Variants in CSNK1G1 observed in about 807,000 individuals in gnomAD.
The protein encoded by CSNK1G1 is casein kinase I isoform gamma-1.
Under a neutral mutation model 59.6 loss-of-function variants are expected in CSNK1G1, and 22 were observed. The ratio of observed to expected loss-of-function variants is 0.37; its 90% CI spans 0.26 to 0.53. CSNK1G1 has a LOEUF of 0.53. CSNK1G1 is among the 20% of genes least tolerant of loss of function. The pLI, the probability that CSNK1G1 is intolerant of heterozygous loss-of-function variation, is 0.89. For missense variants in CSNK1G1, 384 were observed against 519.5 expected (o/e 0.74, Z 2.54); for synonymous variants, 179 against 177.1 (o/e 1.01, Z -0.08).
At chr15:64,310,075 T>C (rs1434613586) in intron 1 of CSNK1G1, among the ~76,000 whole-genome samples, 1 of 151,630 alleles carries the variant, frequency 6.6e-6, no homozygotes, top group African/African-American at 2.4e-5. Flanking sequence ...ATCACACCAC[T>C]ACCCTCCAGC....
chr15:64,292,464 A>T (rs951819016), intron 2 of CSNK1G1, among the ~76,000 whole-genome samples: 1 of 152,360 alleles, frequency 6.6e-6, no homozygotes, highest in South Asian at 2.1e-4. Context: ...GGAAAAGATC[A>T]AAAAGGTTAA....
At chr15:64,251,314 C>T (rs575567854) in intron 4 of CSNK1G1, 198 bp downstream of exon 4, 4 of 499,988 alleles carry the variant, frequency 8.0e-6, no homozygotes, top group Middle Eastern at 1.0e-3. Context: ...GTCATAGCAA[C>T]ACAGTTCCCC....
At chr15:64,294,499 A>T (rs1042111249) in intron 2 of CSNK1G1, among the ~76,000 whole-genome samples, 3 of 151,964 alleles carry the variant, frequency 2.0e-5, no homozygotes, top group African/African-American at 4.8e-5. Flanking sequence ...AAGTAGAATT[A>T]AAAAAAAATT....
chr15:64,265,018 T>C (rs1297309761), intron 2 of CSNK1G1, among the ~76,000 whole-genome samples: 1 of 151,874 alleles, frequency 6.6e-6, no homozygotes, highest in Non-Finnish European at 1.5e-5. Flanking sequence ...CAAAGCCCTA[T>C]CCAGACCAAT....
intron 10 of CSNK1G1, among the ~76,000 whole-genome samples, chr15:64,190,356 G>A (rs550539167): frequency 6.6e-6 from 1 of 152,320 alleles, no homozygotes; most frequent in African/African-American, 2.4e-5. Flanking sequence ...TCTGCCAAAA[G>A]AGGTTCAAAT....
intron 4 of CSNK1G1, among the ~76,000 whole-genome samples, chr15:64,229,939 T>TTTTTTTTTA (rs768405168): frequency 1.1e-4 from 13 of 121,504 alleles, no homozygotes; most frequent in Non-Finnish European, 2.2e-4. Flanking sequence ...TTTTTTTTTT[T>TTTTTTTTTA]AAGACAGAAT....
intron 1 of CSNK1G1, among the ~76,000 whole-genome samples, chr15:64,301,663 A>ATCACCTT: frequency 6.6e-6 from 1 of 152,264 alleles, no homozygotes; most frequent in Non-Finnish European, 1.5e-5. Context: ...CAAGGCAGGC[A>ATCACCTT]GATCACCTGA....
chr15:64,264,192 C>T (rs1332388882), intron 2 of CSNK1G1, among the ~76,000 whole-genome samples: 2 of 151,832 alleles, frequency 1.3e-5, no homozygotes, highest in Non-Finnish European at 2.9e-5. Context: ...TTGCTGTGAA[C>T]GAAGGGGAAA....
intron 2 of CSNK1G1, among the ~76,000 whole-genome samples, chr15:64,288,132 A>T (rs1894527942): frequency 6.6e-6 from 1 of 152,116 alleles, no homozygotes; most frequent in Non-Finnish European, 1.5e-5. Flanking sequence ...ATAACTAAGA[A>T]TTTTTTTTAA....
chr15:64,316,393 G>A (rs985925070), intron 1 of CSNK1G1, among the ~76,000 whole-genome samples: 10 of 151,804 alleles, frequency 6.6e-5, no homozygotes, highest in South Asian at 2.1e-4. Flanking sequence ...AAAATTAGCC[G>A]GGCATGGTGG....
Position 64,258,925 on chromosome 15 carries a change from CAG to C in CSNK1G1, c.222+274_222+275del, listed in dbSNP as rs565826792. Among the ~76,000 whole-genome samples the C allele has an allele frequency of 1.3e-3, 192 of 152,126 alleles. 1 individual carries two copies. Among genetic ancestry groups the C allele is most frequent in the African/African-American group, 4.0e-3 (166 of 41,508 alleles). ...ATACCTCTGTGAAAGATTAAGTTCA[CAG>C]AGTTACTAGTTCTTCCAGCTTTTTT... On this transcript the variant is annotated intron_variant, in intron 3 of 11. Coordinates refer to ENST00000303052, the MANE Select transcript of CSNK1G1 (RefSeq NM_022048.5).
chr15:64,193,383 C>A (rs2081997109), intron 10 of CSNK1G1, among the ~76,000 whole-genome samples: 1 of 151,454 alleles, frequency 6.6e-6, no homozygotes, highest in African/African-American at 2.4e-5. Context: ...GTCCCAGCTA[C>A]TCGGGAGGCT....
chr15:64,290,994 G>A (rs1193999781), intron 2 of CSNK1G1, among the ~76,000 whole-genome samples: 4 of 152,244 alleles, frequency 2.6e-5, no homozygotes, highest in African/African-American at 7.2e-5. Context: ...GATTACAGGC[G>A]TGAGCCACCA....
At chr15:64,318,560 T>C (rs1270094346) in intron 1 of CSNK1G1, among the ~76,000 whole-genome samples, 1 of 152,012 alleles carries the variant, frequency 6.6e-6, no homozygotes, top group African/African-American at 2.4e-5. Context: ...TTCTTTCTTT[T>C]TTTAAAGACA....
intron 1 of CSNK1G1, among the ~76,000 whole-genome samples, chr15:64,322,627 C>A (rs1896623002): frequency 6.6e-6 from 1 of 151,992 alleles, no homozygotes; most frequent in Non-Finnish European, 1.5e-5. Context: ...CCAGCCTGGG[C>A]AACATGGTGA....
At chr15:64,319,844 C>G (rs1047325808) in intron 1 of CSNK1G1, among the ~76,000 whole-genome samples, 2 of 151,484 alleles carry the variant, frequency 1.3e-5, no homozygotes, top group Admixed American at 6.6e-5. Context: ...AAATGTAACA[C>G]CTTTATTTTG....
chr15:64,332,067 CT>C (rs1297744969), intron 1 of CSNK1G1, among the ~76,000 whole-genome samples: 1 of 147,722 alleles, frequency 6.8e-6, no homozygotes, highest in African/African-American at 2.5e-5. Context: ...CACTTTTACA[CT>C]GTTGGTGGGA....
chr15:64,201,316 A>G (rs1439722044), intron 10 of CSNK1G1, among the ~76,000 whole-genome samples: 2 of 151,936 alleles, frequency 1.3e-5, no homozygotes, highest in Non-Finnish European at 2.9e-5. Context: ...GAAAAAAGAA[A>G]TTGCTTTCTA....
chr15:64,269,465 A>G (rs1409148910), intron 2 of CSNK1G1, among the ~76,000 whole-genome samples: 1 of 146,734 alleles, frequency 6.8e-6, no homozygotes, highest in Non-Finnish European at 1.5e-5. Flanking sequence ...GTGTGCACAG[A>G]GGTGTTTGTA....
Sources: allele counts gnomAD v4.1 joint callset (sites outside exome capture counted in the v4.1 genomes callset), GRCh38; gene constraint gnomAD v4.1.1; transcripts MANE v1.5; gene names NCBI Gene and HGNC (gene_info 2026-07-23, HGNC 2026-07-21).